GABRA5: variants seen among roughly 807,000 people sequenced by gnomAD.
GABRA5 encodes the protein gamma-aminobutyric acid type A receptor subunit alpha5.
GABRA5 carries 18 observed loss-of-function variants against 47.3 expected under a neutral mutation model. The ratio of observed to expected loss-of-function variants is 0.38; its 90% CI spans 0.26 to 0.56. GABRA5 has a LOEUF of 0.56. Among genes scored for constraint, GABRA5 ranks in the 20% least tolerant of loss-of-function variants. GABRA5 has a pLI of 0.71. For synonymous variants in GABRA5, 237 were observed against 229.3 expected (o/e 1.03, Z -0.30); for missense variants, 365 against 599.3 (o/e 0.61, Z 4.08).
chr15:26,909,722 A>G (rs1448009559), intron 6 of GABRA5, among the ~76,000 whole-genome samples: 1 of 152,208 alleles, frequency 6.6e-6, no homozygotes, highest in Non-Finnish European at 1.5e-5. Context: ...TTGTGATTGT[A>G]TTGGGCTCAC....
At chr15:26,913,566 T>C (rs1023466531) in intron 6 of GABRA5, among the ~76,000 whole-genome samples, 2 of 152,150 alleles carry the variant, frequency 1.3e-5, no homozygotes, top group Non-Finnish European at 2.9e-5. Flanking sequence ...GAATGAACAA[T>C]AGCACTACTG....
chr15:26,927,252 C>T (rs1452513608), intron 7 of GABRA5, among the ~76,000 whole-genome samples: 1 of 151,060 alleles, frequency 6.6e-6, no homozygotes, highest in African/African-American at 2.4e-5. Context: ...TACAGGTGCC[C>T]GCCACCATGT....
At chr15:26,929,488 G>A (rs1894040303) in intron 7 of GABRA5, among the ~76,000 whole-genome samples, 1 of 152,238 alleles carries the variant, frequency 6.6e-6, no homozygotes, top group Non-Finnish European at 1.5e-5. Flanking sequence ...TTGCCAGGCA[G>A]GGATTGGGCC....
At chr15:26,939,181 A>C in intron 8 of GABRA5, 1 of 756,324 alleles carries the variant, frequency 1.3e-6, no homozygotes. Context: ...TAGCAAGAAG[A>C]CTGGCCCAGC....
intron 7 of GABRA5, among the ~76,000 whole-genome samples, chr15:26,933,289 G>A (rs934609851): frequency 2.0e-5 from 3 of 152,090 alleles, no homozygotes; most frequent in East Asian, 1.9e-4. Flanking sequence ...AAAGAGGGAC[G>A]TAATTCAAAG....
intron 7 of GABRA5, among the ~76,000 whole-genome samples, chr15:26,918,449 G>T (rs1893767443): frequency 6.6e-6 from 1 of 152,148 alleles, no homozygotes; most frequent in African/African-American, 2.4e-5. Context: ...GTATTCTGCT[G>T]CAGGTGAAAT....
At chr15:26,877,614 C>A in intron 3 of GABRA5, 2 of 453,242 alleles carry the variant, frequency 4.4e-6, no homozygotes, top group South Asian at 3.1e-5. Flanking sequence ...CACACACTGC[C>A]TTCACTAGCA....
Position 26,939,918 on chromosome 15 carries a change from T to C in GABRA5, c.725-7T>C. ...GGACTGATGTGCAGTCATTTGCTTA[T>C]TTGCAGGCGAATACACAATCATGAC... On this transcript the variant is annotated splice_region_variant and splice_polypyrimidine_tract_variant and intron_variant, in intron 8 of 10. Coordinates refer to ENST00000335625, the MANE Select transcript of GABRA5 (RefSeq NM_000810.4). 1 of 1,613,832 alleles carries C rather than the reference T, an allele frequency of 6.2e-7. No homozygotes were observed. The highest frequency in any genetic ancestry group is 1.7e-5 in the Admixed American group (1 of 60,022).
intron 6 of GABRA5, among the ~76,000 whole-genome samples, chr15:26,897,085 T>C (rs1242654360): frequency 6.6e-6 from 1 of 151,974 alleles, no homozygotes; most frequent in Non-Finnish European, 1.5e-5. Flanking sequence ...TGACAGCACC[T>C]ATGGAAAGAG....
chr15:26,931,150 C>T (rs1332386317), intron 7 of GABRA5, among the ~76,000 whole-genome samples: 1 of 152,138 alleles, frequency 6.6e-6, no homozygotes. Flanking sequence ...CCACCTGTCT[C>T]GGCCTCCCAA....
At chr15:26,911,661 G>T (rs1479217352) in intron 6 of GABRA5, among the ~76,000 whole-genome samples, 1 of 152,118 alleles carries the variant, frequency 6.6e-6, no homozygotes, top group Non-Finnish European at 1.5e-5. Context: ...GGTTTCCCTG[G>T]GGTCTGCTCT....
At chr15:26,920,466 T>C (rs530577478) in intron 7 of GABRA5, among the ~76,000 whole-genome samples, 1 of 152,270 alleles carries the variant, frequency 6.6e-6, no homozygotes, top group African/African-American at 2.4e-5. Flanking sequence ...AATTTAAAAA[T>C]ATTTTCTGTC....
At chr15:26,893,225 T>C (rs1438192057) in intron 6 of GABRA5, among the ~76,000 whole-genome samples, 1 of 140,694 alleles carries the variant, frequency 7.1e-6, no homozygotes, top group African/African-American at 2.7e-5. Flanking sequence ...GGTGTGAGCG[T>C]ATGGTGTGTG....
chr15:26,941,452 A>G (rs1894382583), intron 9 of GABRA5, among the ~76,000 whole-genome samples: 2 of 152,150 alleles, frequency 1.3e-5, no homozygotes, highest in East Asian at 3.8e-4. Flanking sequence ...AAAAAAAATC[A>G]AAGATTTCTA....
rs989921595 is a variant in GABRA5, at chr15:26,948,358, A to C, written c.*125A>C. On this transcript the variant is annotated 3_prime_UTR_variant, in exon 11 of 11. Coordinates refer to ENST00000335625, the MANE Select transcript of GABRA5 (RefSeq NM_000810.4). ...TTCAGGAAATTTTTGCATGTTTAATAATATGTACAAATAATATTGCCTTGA... is the reference window on the plus strand; with the variant it reads ...TTCAGGAAATTTTTGCATGTTTAATCATATGTACAAATAATATTGCCTTGA... 227 of 771,878 alleles carry C rather than the reference A, an allele frequency of 2.9e-4. No individual in the cohort carries two copies. The highest frequency in any genetic ancestry group is 1.6e-3 in the Admixed American group (54 of 34,300). The allele number at this position is 771,878 out of a possible 1,614,324, so 47.8% of individuals were successfully genotyped here.
intron 8 of GABRA5, chr15:26,939,497 C>T (rs1894334689): frequency 2.8e-6 from 2 of 716,816 alleles, no homozygotes; most frequent in African/African-American, 1.7e-5. Flanking sequence ...GTGGTCGTCT[C>T]ACCTCCCTGG....
Position 26,883,565 on chromosome 15 carries a change from C to CCGGGCGGGGG in GABRA5, c.497+18_497+27dup. On this transcript the variant is annotated intron_variant, in intron 6 of 10. Transcript: ENST00000335625. This position sits in a 1 kb window ranked among gnomAD's most constrained non-coding sequence, Gnocchi z 4.8. ...CCTGCTCTACACCATGCGGTGAGCG[C>CCGGGCGGGGG]CGGGCGGGGGCGGGCGGGGCCGGGG... 1.4e-6 allele frequency: 2 copies of CCGGGCGGGGG among 1,475,874 alleles called. No individual in the cohort carries two copies. Among genetic ancestry groups the CCGGGCGGGGG allele is most frequent in the African/African-American group, 1.4e-5 (1 of 72,198 alleles). The allele number at this position is 1,475,874 out of a possible 1,614,324, so 91.4% of individuals were successfully genotyped here. A position where few individuals can be genotyped will look rare whatever the true frequency, so the allele number is the denominator to read the frequency against.
intron 7 of GABRA5, among the ~76,000 whole-genome samples, chr15:26,919,664 T>C (rs1326739713): frequency 3.3e-5 from 5 of 152,064 alleles, no homozygotes; most frequent in Non-Finnish European, 7.3e-5. Context: ...AATACAGTAT[T>C]CTTTATTTGT....
intron 3 of GABRA5, among the ~76,000 whole-genome samples, chr15:26,876,004 G>A (rs1474311047): frequency 1.3e-5 from 2 of 152,156 alleles, no homozygotes; most frequent in Admixed American, 1.3e-4. Context: ...GCCCAGGGGA[G>A]TGGCTGTTTT....
Sources: allele counts gnomAD v4.1 joint callset (sites outside exome capture counted in the v4.1 genomes callset), GRCh38; gene constraint gnomAD v4.1.1; non-coding constraint Gnocchi (gnomAD v3.1); transcripts MANE v1.5; gene names NCBI Gene and HGNC (gene_info 2026-07-23, HGNC 2026-07-21).